The following STARD7 variants were observed in gnomAD, a reference collection of about 807,000 sequenced individuals.
The protein encoded by STARD7 is StAR related lipid transfer domain containing 7, also known as stAR-related lipid transfer protein 7, mitochondrial.
A neutral mutation model predicts 45.3 loss-of-function variants in STARD7; 30 were observed. The ratio of observed to expected loss-of-function variants is 0.66; its 90% CI spans 0.50 to 0.90. STARD7 has a LOEUF of 0.90. Ranked by LOEUF, STARD7 falls within the 40% of genes least tolerant of loss-of-function variation. STARD7 has a pLI of 0.00. For missense variants in STARD7, 495 were observed against 491.3 expected, an observed-to-expected ratio of 1.01 and a Z score of -0.07; for synonymous variants, 199 against 183.0, an observed-to-expected ratio of 1.09 and a Z score of -0.70.
chr2:96,188,786 C>T (rs1261257504), intron 6 of STARD7, among the ~76,000 whole-genome samples: 3 of 151,566 alleles, frequency 2.0e-5, no homozygotes, highest in Non-Finnish European at 4.4e-5. Context: ...CCCAGCTACT[C>T]GGGAGGCTGA....
intron 6 of STARD7, chr2:96,187,639 C>T (rs1306264977): frequency 6.1e-6 from 1 of 164,532 alleles, no homozygotes; most frequent in African/African-American, 2.4e-5. Context: ...GCAGACGGTA[C>T]TAAGTGACCA....
intron 1 of STARD7, among the ~76,000 whole-genome samples, chr2:96,199,195 T>C (rs1367202213): frequency 6.6e-6 from 1 of 152,220 alleles, no homozygotes; most frequent in Admixed American, 6.5e-5. Flanking sequence ...CAGAAGTGGC[T>C]TGCCAATTTC....
At chr2:96,207,038 G>A (rs1049872422) in intron 1 of STARD7, among the ~76,000 whole-genome samples, 2 of 152,124 alleles carry the variant, frequency 1.3e-5, no homozygotes, top group African/African-American at 4.8e-5. Context: ...GTTGTTTGTG[G>A]TTATTATTTT....
chr2:96,202,619 C>A (rs1683324349), intron 1 of STARD7, among the ~76,000 whole-genome samples: 1 of 152,188 alleles, frequency 6.6e-6, no homozygotes, highest in Admixed American at 6.5e-5. Context: ...TCAACAATAA[C>A]TAAGCACAAC....
chr2:96,195,279 G>T, intron 2 of STARD7, 62 bp downstream of exon 2: 1 of 1,382,788 alleles, frequency 7.2e-7, no homozygotes, highest in Non-Finnish European at 1.0e-6. Flanking sequence ...GAAGTATGAA[G>T]AACAGAAATC....
intron 1 of STARD7, among the ~76,000 whole-genome samples, chr2:96,200,092 G>T (rs1683281987): frequency 2.0e-5 from 3 of 151,514 alleles, no homozygotes; most frequent in South Asian, 4.2e-4. Flanking sequence ...AAGTTGTGTG[G>T]TTTTTTTTTG....
chr2:96,195,554 A>G lies in STARD7; in HGVS notation c.291-5T>C. Reference sequence around the variant, plus strand: ...CGCTTCATCTCATTAATAGATCTGTAAAGGGGAAAAAGAGCCATGGTGAGG... The same window carrying G: ...CGCTTCATCTCATTAATAGATCTGTGAAGGGGAAAAAGAGCCATGGTGAGG... On this transcript the variant is annotated splice_polypyrimidine_tract_variant and splice_region_variant and intron_variant, in intron 1 of 7. Coordinates refer to ENST00000337288, the MANE Select transcript of STARD7 (RefSeq NM_020151.4). 1 of 1,609,002 alleles carries G rather than the reference A, an allele frequency of 6.2e-7. No individual in the cohort carries two copies. The highest frequency in any genetic ancestry group is 8.5e-7 in the Non-Finnish European group (1 of 1,176,616).
chr2:96,195,293 T>G, intron 2 of STARD7, 48 bp downstream of exon 2: 1 of 1,436,068 alleles, frequency 7.0e-7, no homozygotes, highest in Non-Finnish European at 9.6e-7. Context: ...AGAAATCCCA[T>G]GCACCTGTGC....
At chr2:96,188,416 C>T (rs1201066499) in intron 6 of STARD7, among the ~76,000 whole-genome samples, 1 of 150,846 alleles carries the variant, frequency 6.6e-6, no homozygotes, top group Admixed American at 6.6e-5. Context: ...GCTGAGATTA[C>T]AGGCATGCAC....
intron 1 of STARD7, among the ~76,000 whole-genome samples, chr2:96,196,626 T>C (rs1000292372): frequency 6.6e-6 from 1 of 152,118 alleles, no homozygotes; most frequent in Non-Finnish European, 1.5e-5. Flanking sequence ...CATGCCCGGC[T>C]GATTTTTTGT....
rs530836462 is a variant in STARD7, at chr2:96,197,119, A to C, written c.291-1570T>G. Among the ~76,000 whole-genome samples the C allele has an allele frequency of 3.6e-3, 514 of 143,808 alleles. 7 individuals carry two copies. The highest frequency in any genetic ancestry group is 8.2e-3 in the South Asian group (36 of 4,372). 94.3% of individuals were successfully genotyped at this position (143,808 alleles called of 152,430 possible). A position where few individuals can be genotyped will look rare whatever the true frequency, so the allele number is the denominator to read the frequency against. ...AATAAAATAAAATAAAATAAAATAA[A>C]ATAAAGCCAAGCACAACGGCTCACG... is the stretch of plus-strand genomic sequence containing the variant. On this transcript the variant is annotated intron_variant, in intron 1 of 7. Transcript: ENST00000337288.
intron 6 of STARD7, among the ~76,000 whole-genome samples, chr2:96,190,387 G>C (rs1242221072): frequency 6.7e-6 from 1 of 149,970 alleles, no homozygotes; most frequent in Non-Finnish European, 1.5e-5. Flanking sequence ...CCACGCTGGG[G>C]TGCAGCGGCA....
intron 2 of STARD7, 57 bp from the exon 3 acceptor site, chr2:96,195,064 T>C (rs1683181682): frequency 6.8e-7 from 1 of 1,470,420 alleles, no homozygotes; most frequent in East Asian, 2.4e-5. Context: ...CTCGCCTTGT[T>C]TCTTTCACCT....
In STARD7 at chr2:96,186,100, C is replaced by G. The variant is rs928151831; in HGVS notation, c.*630G>C. 5.3e-5 allele frequency: 8 copies of G among 151,822 alleles called. No homozygotes were observed. The highest frequency in any genetic ancestry group is 8.8e-5 in the Non-Finnish European group (6 of 67,966). The allele number at this position is 151,822 out of a possible 1,614,324, so 9.4% of individuals were successfully genotyped here. ...TCTTTGTACAAATTCATGTCCCTGG[C>G]CAGGCATGGCCCAGGAGTTCAAGAC... On this transcript the variant is annotated 3_prime_UTR_variant, in exon 8 of 8. Coordinates refer to ENST00000337288, the MANE Select transcript of STARD7 (RefSeq NM_020151.4).
chr2:96,198,044 C>T (rs747578193), intron 1 of STARD7, among the ~76,000 whole-genome samples: 3 of 152,042 alleles, frequency 2.0e-5, no homozygotes, highest in Admixed American at 1.3e-4. Flanking sequence ...TACTGCTGGC[C>T]GGACGTAGTG....
At chr2:96,191,126 C>T (rs1020010011) in intron 6 of STARD7, among the ~76,000 whole-genome samples, 3 of 152,190 alleles carry the variant, frequency 2.0e-5, no homozygotes, top group Non-Finnish European at 2.9e-5. Context: ...GATTGTACCA[C>T]TGCACACTAG....
At chr2:96,202,063 G>A (rs928461918) in intron 1 of STARD7, among the ~76,000 whole-genome samples, 3 of 152,066 alleles carry the variant, frequency 2.0e-5, no homozygotes, top group Non-Finnish European at 2.9e-5. Context: ...TATTTATATA[G>A]GGGAATATTT....
In STARD7 at chr2:96,190,642, T is replaced by A. The variant is rs1261116037; in HGVS notation, c.843+1727A>T. 5.3e-5 allele frequency among the ~76,000 whole-genome samples: 8 copies of A among 151,750 alleles called. No homozygotes were observed. The South Asian group carries it at 1.7e-3, about 32-fold the overall frequency. ...CGTGAGCCACTGCGCCTGGCTTTTT[T>A]ATTTTTTATTTTTTTTTTGAGAAGG... On this transcript the variant is annotated intron_variant, in intron 6 of 7. Transcript: ENST00000337288.
chr2:96,186,995 G>A, intron 7 of STARD7, 81 bp from the exon 8 acceptor site: 1 of 1,309,710 alleles, frequency 7.6e-7, no homozygotes. Context: ...TTTCTTTGAT[G>A]GTAGGGAACT....
Sources: allele counts gnomAD v4.1 joint callset (sites outside exome capture counted in the v4.1 genomes callset), GRCh38; gene constraint gnomAD v4.1.1; transcripts MANE v1.5; gene names NCBI Gene and HGNC (gene_info 2026-07-23, HGNC 2026-07-21).